SLC2A13: variants seen among roughly 807,000 people sequenced by gnomAD.
SLC2A13 encodes the protein solute carrier family 2 member 13.
In SLC2A13, 32 loss-of-function variants were observed where a neutral mutation model predicts 64.4. The ratio of observed to expected loss-of-function variants is 0.50; its 90% CI spans 0.37 to 0.67. SLC2A13 has a LOEUF of 0.67. Among genes scored for constraint, SLC2A13 ranks in the 30% least tolerant of loss-of-function variants. SLC2A13 has a pLI of 0.00. For synonymous variants in SLC2A13, 338 were observed against 327.1 expected, an observed-to-expected ratio of 1.03 and a Z score of -0.36; for missense variants, 743 against 829.2, an observed-to-expected ratio of 0.90 and a Z score of 1.28.
At chr12:40,080,692 T>C (rs1178168001) in intron 1 of SLC2A13, among the ~76,000 whole-genome samples, 1 of 152,192 alleles carries the variant, frequency 6.6e-6, no homozygotes, top group East Asian at 1.9e-4. Context: ...ACACCTGGCC[T>C]TGTTTAAAAT....
intron 4 of SLC2A13, among the ~76,000 whole-genome samples, chr12:39,933,201 C>A (rs1444792909): frequency 6.6e-6 from 1 of 152,150 alleles, no homozygotes; most frequent in Admixed American, 6.5e-5. Context: ...TGCACCCCAG[C>A]CTGGGCGACA....
At chr12:39,835,958 C>T (rs1047749195) in intron 6 of SLC2A13, among the ~76,000 whole-genome samples, 1 of 152,028 alleles carries the variant, frequency 6.6e-6, no homozygotes, top group Non-Finnish European at 1.5e-5. Flanking sequence ...GTGGTGAAAG[C>T]CACAAATATT....
intron 4 of SLC2A13, among the ~76,000 whole-genome samples, chr12:39,904,040 A>C (rs1945205154): frequency 3.9e-5 from 6 of 152,116 alleles, no homozygotes. Context: ...GACCACCCTC[A>C]GTCTTACTGA....
At chr12:39,935,585 G>A (rs544681247) in intron 4 of SLC2A13, among the ~76,000 whole-genome samples, 5 of 152,206 alleles carry the variant, frequency 3.3e-5, no homozygotes, top group Non-Finnish European at 5.9e-5. Context: ...GTATGTGTAC[G>A]GTCTTTTGGA....
chr12:40,098,939 A>G (rs1429439329), intron 1 of SLC2A13, among the ~76,000 whole-genome samples: 2 of 152,172 alleles, frequency 1.3e-5, no homozygotes, highest in African/African-American at 4.8e-5. Flanking sequence ...GGTGGCGCTA[A>G]AATCAGAAGA....
At chr12:39,891,727 G>C (rs866540216) in intron 4 of SLC2A13, among the ~76,000 whole-genome samples, 1 of 152,156 alleles carries the variant, frequency 6.6e-6, no homozygotes, top group South Asian at 2.1e-4. Context: ...CCTTAGGTTA[G>C]TGACAGGAAT....
intron 4 of SLC2A13, among the ~76,000 whole-genome samples, chr12:39,903,462 T>C (rs1403802608): frequency 6.6e-6 from 1 of 152,090 alleles, no homozygotes; most frequent in Non-Finnish European, 1.5e-5. Flanking sequence ...AGTATCTCTT[T>C]ACTCAACTTC....
At chr12:39,995,084 T>A (rs748503213) in intron 3 of SLC2A13, among the ~76,000 whole-genome samples, 3 of 152,210 alleles carry the variant, frequency 2.0e-5, no homozygotes, top group African/African-American at 7.2e-5. Flanking sequence ...TGAGAAAGCA[T>A]GATGCTTTAA....
At chr12:39,945,915 G>T (rs1036265513) in intron 4 of SLC2A13, among the ~76,000 whole-genome samples, 2 of 151,754 alleles carry the variant, frequency 1.3e-5, no homozygotes, top group Admixed American at 6.6e-5. Flanking sequence ...TTTTTGTGGG[G>T]GGGTGTTGAA....
intron 1 of SLC2A13, among the ~76,000 whole-genome samples, chr12:40,066,878 A>G (rs989762589): frequency 1.3e-5 from 2 of 152,200 alleles, no homozygotes; most frequent in African/African-American, 4.8e-5. Flanking sequence ...AGTTGACAAA[A>G]AGCTTTTTTT....
intron 4 of SLC2A13, among the ~76,000 whole-genome samples, chr12:39,929,956 C>A (rs1352819268): frequency 6.6e-6 from 1 of 151,902 alleles, no homozygotes; most frequent in African/African-American, 2.4e-5. Flanking sequence ...CAGGGTGAAA[C>A]CCTGTCTCTA....
intron 3 of SLC2A13, among the ~76,000 whole-genome samples, chr12:39,994,747 C>A (rs28370750): frequency 6.6e-6 from 1 of 152,126 alleles, no homozygotes; most frequent in Non-Finnish European, 1.5e-5. Flanking sequence ...GAGAAAGTAC[C>A]TTAACTTTTC....
At chr12:39,778,945 G>A (rs1356285932) in intron 7 of SLC2A13, among the ~76,000 whole-genome samples, 1 of 152,162 alleles carries the variant, frequency 6.6e-6, no homozygotes, top group Non-Finnish European at 1.5e-5. Flanking sequence ...TAATGAGGAA[G>A]GGAAATATCT....
chr12:40,019,562 G>C (rs954156810), intron 3 of SLC2A13, among the ~76,000 whole-genome samples: 4 of 152,102 alleles, frequency 2.6e-5, no homozygotes, highest in African/African-American at 9.7e-5. Context: ...TTTTAGGATT[G>C]TTTTAAGAAT....
chr12:40,038,830 A>G (rs1371598676), intron 2 of SLC2A13, among the ~76,000 whole-genome samples: 1 of 152,068 alleles, frequency 6.6e-6, no homozygotes, highest in Non-Finnish European at 1.5e-5. Flanking sequence ...GTATAGTGCA[A>G]TTGTTGGATG....
chr12:40,015,970 A>G (rs1320182155), intron 3 of SLC2A13, among the ~76,000 whole-genome samples: 1 of 152,216 alleles, frequency 6.6e-6, no homozygotes, highest in Non-Finnish European at 1.5e-5. Context: ...TAAATATTCA[A>G]AAAAAGAATA....
rs1046026742 is a variant in SLC2A13 at position 39,896,060 on chromosome 12, ATACATATATGTATACACGTG to A, written c.1035-24119_1035-24100del. 4.3e-5 allele frequency among the ~76,000 whole-genome samples: 5 copies of A among 117,638 alleles called. No individual in the cohort carries two copies. In the South Asian group the frequency reaches 1.1e-3, roughly 26 times the overall value. 77.2% of individuals were successfully genotyped at this position (117,638 alleles called of 152,430 possible). A position where few individuals can be genotyped will look rare whatever the true frequency, so the allele number is the denominator to read the frequency against. The stretch of plus-strand genomic sequence containing the variant: ...TGTTTATATACGCATGTATATATGC[ATACATATATGTATACACGTG>A]TACATATATGTATACACGTGTATAC... On this transcript the variant is annotated intron_variant, in intron 4 of 9. Transcript: ENST00000280871.
intron 7 of SLC2A13, among the ~76,000 whole-genome samples, chr12:39,812,234 C>G (rs1329713484): frequency 6.6e-6 from 1 of 152,068 alleles, no homozygotes; most frequent in Admixed American, 6.5e-5. Context: ...TCTGGGGCCC[C>G]TTTATAAAGG....
At chr12:39,858,094 G>A (rs905845647) in intron 6 of SLC2A13, among the ~76,000 whole-genome samples, 2 of 152,158 alleles carry the variant, frequency 1.3e-5, no homozygotes, top group Admixed American at 6.5e-5. Flanking sequence ...CCCATAAATG[G>A]CAAACTTCCT....
Sources: allele counts gnomAD v4.1 joint callset (sites outside exome capture counted in the v4.1 genomes callset), GRCh38; gene constraint gnomAD v4.1.1; transcripts MANE v1.5; gene names NCBI Gene and HGNC (gene_info 2026-07-23, HGNC 2026-07-21).